NFIC: variants seen among roughly 807,000 people sequenced by gnomAD.
NFIC encodes the protein nuclear factor 1 C-type.
A neutral mutation model predicts 54.4 loss-of-function variants in NFIC; 12 were observed. That is an observed-to-expected ratio of 0.22 (90% CI 0.14 to 0.36). The LOEUF (loss-of-function observed/expected upper bound fraction) is 0.36, where lower values mean the gene tolerates loss of function less well. Ranked by LOEUF, NFIC falls within the 10% of genes least tolerant of loss-of-function variation. The probability of loss-of-function intolerance (pLI) is 1.00; values close to 1 mark genes in which losing one functional copy is unlikely to be tolerated. For synonymous variants in NFIC, 322 were observed against 319.2 expected, an observed-to-expected ratio of 1.01 and a Z score of -0.09; for missense variants, 575 against 718.2, an observed-to-expected ratio of 0.80 and a Z score of 2.28.
intron 2 of NFIC, among the ~76,000 whole-genome samples, chr19:3,401,157 A>G (rs574845237): frequency 3.3e-5 from 5 of 152,170 alleles, no homozygotes; most frequent in Admixed American, 6.5e-5. Flanking sequence ...AGAGGAAGAG[A>G]AGGAGGAGGG....
At chr19:3,366,799 G>A (rs957722033) in intron 1 of NFIC, 133 bp downstream of exon 1, 4 of 573,904 alleles carry the variant, frequency 7.0e-6, no homozygotes, top group South Asian at 3.0e-5. Context: ...GATGCCCCCC[G>A]CGCCGAGGGC....
At chr19:3,359,769 G>T in intron 1 of NFIC, 1 of 1,314,274 alleles carries the variant, frequency 7.6e-7, no homozygotes, top group Middle Eastern at 2.6e-4. Flanking sequence ...GCAAGATCTG[G>T]GGGGACAGGG....
chr19:3,443,214 G>A (rs777942925), intron 6 of NFIC, among the ~76,000 whole-genome samples: 1 of 152,122 alleles, frequency 6.6e-6, no homozygotes, highest in Non-Finnish European at 1.5e-5. Flanking sequence ...CTGGAGGATC[G>A]CTTGAGCCTA....
At chr19:3,360,937 C>T (rs1410317013) in intron 1 of NFIC, among the ~76,000 whole-genome samples, 1 of 152,196 alleles carries the variant, frequency 6.6e-6, no homozygotes. Flanking sequence ...TGGCGCTGAG[C>T]CTCCCCCTAG....
rs1391327108 is a variant in NFIC at position 3,452,365 on chromosome 19, G to A, written c.1085-117G>A. On this transcript the variant is annotated intron_variant, in intron 7 of 10. Transcript: ENST00000443272. This position sits in a 1 kb window ranked among gnomAD's most constrained non-coding sequence, Gnocchi z 5.3. ...CTGCTGGGTTTTTTTGGTGGTTATT[G>A]TTACTAAACGCACTGAGATGCCGGC... 1 of 1,354,422 alleles carries A rather than the reference G, an allele frequency of 7.4e-7. No homozygotes were observed. The highest frequency in any genetic ancestry group is 1.4e-5 in the African/African-American group (1 of 69,296). 83.9% of individuals were successfully genotyped at this position (1,354,422 alleles called of 1,614,324 possible).
chr19:3,367,079 G>A (rs2080904278), intron 1 of NFIC, among the ~76,000 whole-genome samples: 1 of 152,096 alleles, frequency 6.6e-6, no homozygotes, highest in African/African-American at 2.4e-5. Flanking sequence ...CCTCTGAGAG[G>A]AATCTAGGGG....
chr19:3,431,974 C>T (rs1041774685), intron 3 of NFIC, among the ~76,000 whole-genome samples: 5 of 152,172 alleles, frequency 3.3e-5, no homozygotes, highest in African/African-American at 7.2e-5. Flanking sequence ...TGCTGTCTGT[C>T]GCTCACACTG....
Position 3,381,903 on chromosome 19 carries a change from G to A in NFIC, c.222G>A (p.Ser74=), listed in dbSNP as rs766157712. 7.4e-6 allele frequency: 12 copies of A among 1,613,800 alleles called. No homozygotes were observed. The South Asian group carries it at 7.7e-5, about 10-fold the overall frequency. The change falls in exon 2 of 11, where the codon TCG becomes TCA. Residue 74 remains serine (S), a synonymous_variant. Coordinates refer to ENST00000443272, the MANE Select transcript of NFIC (RefSeq NM_001245002.2). ...EKPEVKQKWA[S]RLLAKLRKDI... Reference sequence around the variant, plus strand: ...CCGAGGTCAAGCAGAAGTGGGCGTCGCGGCTGCTGGCCAAGCTGCGCAAGG... The same window carrying A: ...CCGAGGTCAAGCAGAAGTGGGCGTCACGGCTGCTGGCCAAGCTGCGCAAGG...
chr19:3,462,784 C>A lies in NFIC; in HGVS notation c.*15C>A. 2 of 1,613,912 alleles carry A rather than the reference C, an allele frequency of 1.2e-6. No individual in the cohort carries two copies. Among genetic ancestry groups the A allele is most frequent in the South Asian group, 1.1e-5 (1 of 91,058 alleles). On this transcript the variant is annotated 3_prime_UTR_variant, in exon 11 of 11. Coordinates refer to ENST00000443272, the MANE Select transcript of NFIC (RefSeq NM_001245002.2). ...ATCTGGGATAGCAAAGGTCTTCTTC[C>A]CTCGCCCCTTCTCCATCGTCCCAGG... is the stretch of plus-strand genomic sequence containing the variant.
intron 6 of NFIC, among the ~76,000 whole-genome samples, chr19:3,439,689 ATTTTT>A (rs1182271188): frequency 7.5e-6 from 1 of 133,852 alleles, no homozygotes; most frequent in Non-Finnish European, 1.6e-5. Flanking sequence ...CACTGGAAGA[ATTTTT>A]TTTTTTTTTT....
chr19:3,462,836 C>G lies in NFIC; in HGVS notation c.*67C>G. Reference sequence around the variant, plus strand: ...ATCCCAGGGGGCAGCACAGCCGGCCCCCGGCCCACGTTTTCGGTGGAAAAT... The same window carrying G: ...ATCCCAGGGGGCAGCACAGCCGGCCGCCGGCCCACGTTTTCGGTGGAAAAT... On this transcript the variant is annotated 3_prime_UTR_variant, in exon 11 of 11. Coordinates refer to ENST00000443272, the MANE Select transcript of NFIC (RefSeq NM_001245002.2). 1 of 1,611,044 alleles carries G rather than the reference C, an allele frequency of 6.2e-7. No individual in the cohort carries two copies. Among genetic ancestry groups the G allele is most frequent in the Non-Finnish European group, 8.5e-7 (1 of 1,179,230 alleles).
intron 2 of NFIC, among the ~76,000 whole-genome samples, chr19:3,407,969 T>G (rs2081681896): frequency 6.6e-6 from 1 of 152,144 alleles, no homozygotes; most frequent in African/African-American, 2.4e-5. Flanking sequence ...ACAGAGAAAG[T>G]TGAACCTTCG....
At chr19:3,418,811 C>T (rs959786783) in intron 2 of NFIC, among the ~76,000 whole-genome samples, 7 of 152,126 alleles carry the variant, frequency 4.6e-5, no homozygotes, top group African/African-American at 1.7e-4. Context: ...GAGATTGTGC[C>T]ACTGCACTCC....
intron 6 of NFIC, among the ~76,000 whole-genome samples, chr19:3,443,634 G>A (rs1220140616): frequency 2.0e-5 from 3 of 152,010 alleles, no homozygotes; most frequent in South Asian, 2.1e-4. Flanking sequence ...ATCATGGGAC[G>A]CAGAGTCTCT....
At chr19:3,425,230 C>A in intron 3 of NFIC, 53 bp downstream of exon 3, 1 of 1,537,598 alleles carries the variant, frequency 6.5e-7, no homozygotes. Flanking sequence ...GCCCTGTCCT[C>A]GTCTTTTATT....
rs3834984 is a variant in NFIC at position 3,370,480 on chromosome 19, C to CCTCT, written c.30+3833_30+3836dup. Among the ~76,000 whole-genome samples the CCTCT allele has an allele frequency of 4.3e-4, 63 of 146,938 alleles. No homozygotes were observed. The highest frequency in any genetic ancestry group is 1.9e-3 in the South Asian group (9 of 4,628). Reference sequence around the variant, plus strand: ...GGGATTCTGGCAGAGTCAGCGTTCTCCTCTCTCTCTCTCTCTCTCTCTGTC... The same window carrying CCTCT: ...GGGATTCTGGCAGAGTCAGCGTTCTCCTCTCTCTCTCTCTCTCTCTCTCTCTGTC... On this transcript the variant is annotated intron_variant, in intron 1 of 10. Transcript: ENST00000443272. This position sits in a 1 kb window ranked among gnomAD's most constrained non-coding sequence, Gnocchi z 5.2.
At chr19:3,404,265 C>T (rs889999946) in intron 2 of NFIC, among the ~76,000 whole-genome samples, 1 of 151,856 alleles carries the variant, frequency 6.6e-6, no homozygotes, top group Non-Finnish European at 1.5e-5. Flanking sequence ...GAGTTATTTT[C>T]AGTCCACTCC....
At chr19:3,394,784 G>T (rs1167569470) in intron 2 of NFIC, among the ~76,000 whole-genome samples, 1 of 151,926 alleles carries the variant, frequency 6.6e-6, no homozygotes, top group Non-Finnish European at 1.5e-5. Flanking sequence ...GGCTCTGGGT[G>T]CCCCTACGAG....
upstream of NFIC, among the ~76,000 whole-genome samples, chr19:3,366,044 C>A (rs2080876473): frequency 6.6e-6 from 1 of 151,892 alleles, no homozygotes; most frequent in East Asian, 1.9e-4. Flanking sequence ...CTTCCCTCCC[C>A]CCTGGCTCTT....
Sources: allele counts gnomAD v4.1 joint callset (sites outside exome capture counted in the v4.1 genomes callset), GRCh38; gene constraint gnomAD v4.1.1; non-coding constraint Gnocchi (gnomAD v3.1); transcripts MANE v1.5; gene names NCBI Gene and HGNC (gene_info 2026-07-23, HGNC 2026-07-21).